Variants in CAMK1D observed in about 807,000 individuals in gnomAD.
CAMK1D encodes the protein calcium/calmodulin dependent protein kinase ID.
In CAMK1D, 9 loss-of-function variants were observed where a neutral mutation model predicts 47.7. The observed-to-expected ratio is 0.19, with a 90% CI of 0.11 to 0.33. CAMK1D has a LOEUF of 0.33. CAMK1D is among the 10% of genes least tolerant of loss of function. CAMK1D has a pLI of 1.00. For synonymous variants in CAMK1D, 184 were observed against 184.9 expected, an observed-to-expected ratio of 0.99 and a Z score of 0.04; for missense variants, 291 against 488.7, an observed-to-expected ratio of 0.60 and a Z score of 3.81.
At chr10:12,443,442 A>G (rs1186746252) in intron 1 of CAMK1D, among the ~76,000 whole-genome samples, 1 of 152,060 alleles carries the variant, frequency 6.6e-6, no homozygotes, top group Non-Finnish European at 1.5e-5. Flanking sequence ...TTGTGCTCGT[A>G]TAGTCGTGTT....
intron 1 of CAMK1D, among the ~76,000 whole-genome samples, chr10:12,512,618 A>G (rs964028429): frequency 2.0e-5 from 3 of 151,926 alleles, no homozygotes; most frequent in African/African-American, 7.3e-5. Context: ...CAGGAATTAG[A>G]CTCCGTAGTG....
At chr10:12,523,417 C>G (rs1835506957) in intron 1 of CAMK1D, among the ~76,000 whole-genome samples, 1 of 152,136 alleles carries the variant, frequency 6.6e-6, no homozygotes, top group Non-Finnish European at 1.5e-5. Flanking sequence ...AGGTTGTAGC[C>G]AGCCGAGATC....
At chr10:12,415,500 A>G (rs1167569396) in intron 1 of CAMK1D, among the ~76,000 whole-genome samples, 2 of 129,282 alleles carry the variant, frequency 1.5e-5, no homozygotes, top group African/African-American at 5.8e-5. Flanking sequence ...AGGTTTCACC[A>G]TGTTGGCCAG....
chr10:12,482,185 G>A (rs763806392), intron 1 of CAMK1D, among the ~76,000 whole-genome samples: 3 of 152,182 alleles, frequency 2.0e-5, no homozygotes, highest in East Asian at 1.9e-4. Flanking sequence ...GATGTGAACC[G>A]TAGCATAGTG....
chr10:12,824,407 A>G (rs1833124438), intron 8 of CAMK1D, 58 bp from the exon 9 acceptor site: 2 of 1,446,992 alleles, frequency 1.4e-6, no homozygotes, highest in Non-Finnish European at 1.9e-6. Flanking sequence ...CCTTTATGGG[A>G]CGCAGTGTCA....
intron 1 of CAMK1D, among the ~76,000 whole-genome samples, chr10:12,454,381 C>T (rs1833180157): frequency 6.6e-6 from 1 of 151,998 alleles, no homozygotes. Context: ...CCAAGATGGT[C>T]TCAATCTCCT....
At chr10:12,827,472 G>GTCTT (rs1244927320) in intron 10 of CAMK1D, among the ~76,000 whole-genome samples, 88 of 5,096 alleles carry the variant, frequency 0.017, 24 homozygotes, top group East Asian at 0.12. Flanking sequence ...TTGTCTGTCT[G>GTCTT]TCTTTCTTTC....
intron 1 of CAMK1D, among the ~76,000 whole-genome samples, chr10:12,388,356 G>A (rs1325731947): frequency 6.6e-6 from 1 of 152,120 alleles, no homozygotes; most frequent in African/African-American, 2.4e-5. Context: ...AATTCTCCCC[G>A]AATCAACCTT....
chr10:12,608,518 G>GA (rs1838529794), intron 2 of CAMK1D, among the ~76,000 whole-genome samples: 1 of 152,176 alleles, frequency 6.6e-6, no homozygotes, highest in Admixed American at 6.5e-5. Flanking sequence ...CTTCTTCCAT[G>GA]ATGCATTAAT....
At chr10:12,776,944 C>T (rs1225674690) in intron 5 of CAMK1D, among the ~76,000 whole-genome samples, 1 of 152,160 alleles carries the variant, frequency 6.6e-6, no homozygotes, top group African/African-American at 2.4e-5. Flanking sequence ...TCAGGCAGCT[C>T]AAGTATTTGG....
At chr10:12,416,072 T>C (rs1839838540) in intron 1 of CAMK1D, 1 of 152,156 alleles carries the variant, frequency 6.6e-6, no homozygotes, top group African/African-American at 2.4e-5. Flanking sequence ...AACTATATGA[T>C]TGTGGGTTAG....
At chr10:12,460,390 A>C (rs1373358245) in intron 1 of CAMK1D, among the ~76,000 whole-genome samples, 4 of 151,766 alleles carry the variant, frequency 2.6e-5, no homozygotes, top group African/African-American at 9.7e-5. Context: ...TCTCCCGAGT[A>C]GTTGGGACTA....
At chr10:12,826,830 A>T (rs540682733) in intron 10 of CAMK1D, among the ~76,000 whole-genome samples, 5 of 152,134 alleles carry the variant, frequency 3.3e-5, no homozygotes, top group African/African-American at 4.8e-5. Context: ...GTCAAAGGGA[A>T]CCCCACGATG....
At chr10:12,585,747 G>T (rs779111445) in intron 2 of CAMK1D, among the ~76,000 whole-genome samples, 2 of 152,162 alleles carry the variant, frequency 1.3e-5, no homozygotes, top group Non-Finnish European at 2.9e-5. Flanking sequence ...CCCACAACAC[G>T]TGGGAATTAT....
chr10:12,472,832 G>A (rs1415230660), intron 1 of CAMK1D, among the ~76,000 whole-genome samples: 1 of 152,014 alleles, frequency 6.6e-6, no homozygotes, highest in Non-Finnish European at 1.5e-5. Context: ...TCATTCACTC[G>A]GCTGTTATTG....
At chr10:12,495,826 T>G (rs1444322065) in intron 1 of CAMK1D, among the ~76,000 whole-genome samples, 1 of 152,152 alleles carries the variant, frequency 6.6e-6, no homozygotes, top group Non-Finnish European at 1.5e-5. Context: ...CCTTTATATG[T>G]ATATATTTTT....
intron 1 of CAMK1D, among the ~76,000 whole-genome samples, chr10:12,376,162 C>CAAAAAAAAAAAAA (rs59804213): frequency 3.3e-5 from 2 of 59,986 alleles, no homozygotes; most frequent in African/African-American, 7.7e-5. Flanking sequence ...GACTCTGTCC[C>CAAAAAAAAAAAAA]AAAAAAAAAA....
In CAMK1D at chr10:12,430,148, T is replaced by C. The variant is rs1489604948; in HGVS notation, c.92+80238T>C. 1.3e-5 allele frequency among the ~76,000 whole-genome samples: 2 copies of C among 152,172 alleles called. 1 individual carries two copies. Among genetic ancestry groups the C allele is most frequent in the East Asian group, 3.9e-4 (2 of 5,190 alleles). The stretch of plus-strand genomic sequence containing the variant: ...CTCTTGGATGGAAGTCAGTAGCTGG[T>C]ATAATCCTAGAAAACCCCTGTTCCA... On this transcript the variant is annotated intron_variant, in intron 1 of 10. Transcript: ENST00000619168.
intron 6 of CAMK1D, among the ~76,000 whole-genome samples, chr10:12,808,550 G>T (rs1832461801): frequency 6.6e-6 from 1 of 152,166 alleles, no homozygotes; most frequent in Non-Finnish European, 1.5e-5. Flanking sequence ...GGCCGAGCTG[G>T]GTGGGTCACC....
Sources: allele counts gnomAD v4.1 joint callset (sites outside exome capture counted in the v4.1 genomes callset), GRCh38; gene constraint gnomAD v4.1.1; transcripts MANE v1.5; gene names NCBI Gene and HGNC (gene_info 2026-07-23, HGNC 2026-07-21).